Variants in KCTD1 observed in about 807,000 individuals in gnomAD.
The protein encoded by KCTD1 is BTB/POZ domain-containing protein KCTD1.
In KCTD1, 24 loss-of-function variants were observed where a neutral mutation model predicts 66.0. The observed-to-expected ratio is 0.36, with a 90% CI of 0.26 to 0.51. The LOEUF is 0.51. Among genes scored for constraint, KCTD1 ranks in the 20% least tolerant of loss-of-function variants. The pLI is 0.95. For synonymous variants in KCTD1, 511 were observed against 517.2 expected, an observed-to-expected ratio of 0.99 and a Z score of 0.16; for missense variants, 943 against 1,205.2, an observed-to-expected ratio of 0.78 and a Z score of 3.22.
intron 1 of KCTD1, among the ~76,000 whole-genome samples, chr18:26,537,289 G>T (rs1984753929): frequency 6.6e-6 from 1 of 152,038 alleles, no homozygotes; most frequent in African/African-American, 2.4e-5. Flanking sequence ...ATATAGTTTT[G>T]TCAGAAAGAA....
chr18:26,547,217 C>T lies in KCTD1; in HGVS notation c.1320G>A (p.Lys440=). The change falls in exon 1 of 5, where the codon AAG becomes AAA. Residue 440 remains lysine (K), a synonymous_variant. Coordinates refer to ENST00000580059, the MANE Select transcript of KCTD1 (RefSeq NM_001142730.3). Reference sequence around the variant, plus strand: ...TGTAGGTCTTGGAGAGCTTGGCCGCCTTGGAGAGCATCTGCATCCGAGTGC... The same window carrying T: ...TGTAGGTCTTGGAGAGCTTGGCCGCTTTGGAGAGCATCTGCATCCGAGTGC... ...LLGTRMQMLS[K]AAKLSKTYTN... is the part of the protein sequence containing the mutation. 2 of 1,550,094 alleles carry T rather than the reference C, an allele frequency of 1.3e-6. No individual in the cohort carries two copies. Among genetic ancestry groups the T allele is most frequent in the Non-Finnish European group, 1.7e-6 (2 of 1,146,528 alleles).
At chr18:26,593,812 G>A (rs1986700580) in intron 1 of KCTD1, among the ~76,000 whole-genome samples, 2 of 147,472 alleles carry the variant, frequency 1.4e-5, no homozygotes. Context: ...AAGACAAGGA[G>A]CAGGAGGAGA....
At chr18:26,527,492 A>AAAAAGG (rs1555639037) in intron 1 of KCTD1, among the ~76,000 whole-genome samples, 3 of 109,440 alleles carry the variant, frequency 2.7e-5, no homozygotes, top group African/African-American at 9.9e-5. Context: ...CAAAAAAAAA[A>AAAAAGG]GGGGGGGGGG....
chr18:26,520,363 C>A (rs1278309386), intron 1 of KCTD1, among the ~76,000 whole-genome samples: 1 of 152,086 alleles, frequency 6.6e-6, no homozygotes, highest in East Asian at 1.9e-4. Context: ...CAGACGATAG[C>A]CCCCTAAATT....
chr18:26,506,027 C>T (rs561718391), intron 1 of KCTD1, among the ~76,000 whole-genome samples: 34 of 152,124 alleles, frequency 2.2e-4, no homozygotes, highest in African/African-American at 8.2e-4. Context: ...AGGTGTGCGC[C>T]ACCACCCCTG....
chr18:26,459,485 A>T, intron 4 of KCTD1, 135 bp downstream of exon 4: 1 of 788,788 alleles, frequency 1.3e-6, no homozygotes, highest in Non-Finnish European at 2.0e-6. Context: ...AGAGGGTGAT[A>T]ATTCACCTAC....
intron 1 of KCTD1, among the ~76,000 whole-genome samples, chr18:26,593,644 AAGGAAG>A (rs1986687315): frequency 2.7e-5 from 1 of 37,236 alleles, no homozygotes. Flanking sequence ...GGAGGAAGAG[AAGGAAG>A]AGGAGGAAGA....
intron 1 of KCTD1, among the ~76,000 whole-genome samples, chr18:26,593,788 TAAG>T (rs369012554): frequency 2.4e-3 from 111 of 45,696 alleles, no homozygotes; most frequent in Non-Finnish European, 1.7e-3. Context: ...AGGAGGAAGA[TAAG>T]GAGGAGGAGG....
intron 1 of KCTD1, among the ~76,000 whole-genome samples, chr18:26,620,430 GCA>G (rs1987353884): frequency 9.5e-6 from 1 of 104,864 alleles, no homozygotes; most frequent in Admixed American, 1.3e-4. Context: ...AATCAAAATT[GCA>G]TTTTTTTTTT....
chr18:26,514,434 C>CCTGAG (rs1376767421), intron 1 of KCTD1, among the ~76,000 whole-genome samples: 2 of 151,162 alleles, frequency 1.3e-5, no homozygotes, highest in Admixed American at 1.3e-4. Flanking sequence ...AGCCTACAGT[C>CCTGAG]TGTGACTCAG....
chr18:26,636,439 T>G lies in KCTD1; in HGVS notation c.-107+3872A>C, dbSNP rs531066717. Among the ~76,000 whole-genome samples, 3 of 152,222 alleles carry G rather than the reference T, an allele frequency of 2.0e-5. No individual in the cohort carries two copies. In the South Asian group the frequency reaches 6.2e-4, roughly 32 times the overall value. ...TCACATTGCAGCAACTTCCTGGAAT[T>G]TTCTAGGTCCTTCCCTGCTGCCTGA... On this transcript the variant is annotated intron_variant, in intron 1 of 5. Coordinates refer to the KCTD1 transcript ENST00000579973.
At chr18:26,469,734 G>A (rs866424670) in intron 3 of KCTD1, among the ~76,000 whole-genome samples, 2 of 152,242 alleles carry the variant, frequency 1.3e-5, no homozygotes, top group Middle Eastern at 3.4e-3. Context: ...TTCATATTTA[G>A]ATTGTGGCTT....
intron 1 of KCTD1, among the ~76,000 whole-genome samples, chr18:26,587,405 T>C (rs1480527291): frequency 6.6e-6 from 1 of 152,214 alleles, no homozygotes; most frequent in Non-Finnish European, 1.5e-5. Flanking sequence ...GGAGTGCTGA[T>C]GGAGATATAC....
chr18:26,594,289 T>C (rs1192272969), intron 1 of KCTD1, among the ~76,000 whole-genome samples: 1 of 152,206 alleles, frequency 6.6e-6, no homozygotes, highest in Admixed American at 6.5e-5. Context: ...TGTCTGCAAA[T>C]GTATGCTGCA....
At chr18:26,518,628 A>T (rs74257202) in intron 1 of KCTD1, among the ~76,000 whole-genome samples, 7,376 of 152,284 alleles carry the variant, frequency 0.048, 320 homozygotes, top group East Asian at 0.21. Context: ...TTTAATGATT[A>T]TTTTTAAGGG....
intron 2 of KCTD1, among the ~76,000 whole-genome samples, chr18:26,499,262 T>G (rs1982633813): frequency 6.6e-6 from 1 of 152,176 alleles, no homozygotes; most frequent in Non-Finnish European, 1.5e-5. Context: ...CAGCTGTGAT[T>G]TTCTGTAGTT....
chr18:26,484,462 G>A (rs899610719), intron 2 of KCTD1, among the ~76,000 whole-genome samples: 6 of 152,112 alleles, frequency 3.9e-5, no homozygotes, highest in African/African-American at 1.2e-4. Flanking sequence ...CAGGAACTCG[G>A]CGTTTTGTAG....
At chr18:26,509,339 C>T (rs971391292) in intron 1 of KCTD1, among the ~76,000 whole-genome samples, 3 of 151,890 alleles carry the variant, frequency 2.0e-5, no homozygotes, top group African/African-American at 7.2e-5. Flanking sequence ...TTCACAGGAG[C>T]CCCCTTCAAA....
At chr18:26,538,929 G>A (rs948829868) in intron 1 of KCTD1, among the ~76,000 whole-genome samples, 2 of 152,196 alleles carry the variant, frequency 1.3e-5, no homozygotes, top group African/African-American at 4.8e-5. Context: ...ACAGCAAAAC[G>A]GAAGCCTGCC....
Sources: allele counts gnomAD v4.1 joint callset (sites outside exome capture counted in the v4.1 genomes callset), GRCh38; gene constraint gnomAD v4.1.1; transcripts MANE v1.5; gene names NCBI Gene and HGNC (gene_info 2026-07-23, HGNC 2026-07-21).